Variants in VSNL1 observed in about 807,000 individuals in gnomAD.
VSNL1 encodes visinin-like protein 1.
VSNL1 carries 6 observed loss-of-function variants against 20.4 expected under a neutral mutation model. The ratio of observed to expected loss-of-function variants is 0.29; its 90% CI spans 0.16 to 0.58. The LOEUF (loss-of-function observed/expected upper bound fraction) is 0.58. Among genes scored for constraint, VSNL1 ranks in the 20% least tolerant of loss-of-function variants. VSNL1 has a pLI of 0.90. For synonymous variants in VSNL1, 93 were observed against 86.4 expected (o/e 1.08, Z -0.42); for missense variants, 100 against 234.5 (o/e 0.43, Z 3.75).
rs2103430777 is a variant in VSNL1 at position 17,649,961 on chromosome 2, CG to C, written c.378+337del. Among the ~76,000 whole-genome samples, 1 of 152,206 alleles carries C rather than the reference CG, an allele frequency of 6.6e-6. No individual in the cohort carries two copies. Among genetic ancestry groups the C allele is most frequent in the East Asian group, 1.9e-4 (1 of 5,190 alleles). On this transcript the variant is annotated intron_variant, in intron 3 of 3. Coordinates refer to ENST00000295156, the MANE Select transcript of VSNL1 (RefSeq NM_003385.5). The surrounding 1 kb of genome is among the most constrained non-coding windows in gnomAD (Gnocchi z 6.4). ...TCTCTGCTCTGCCTCACTCCAGCTG[CG>C]CCTAGTGGGGACCCGAGGCTGTCAG...
At chr2:17,559,415 A>AG (rs1426822762) in intron 1 of VSNL1, among the ~76,000 whole-genome samples, 1 of 151,194 alleles carries the variant, frequency 6.6e-6, no homozygotes, top group Non-Finnish European at 1.5e-5. Flanking sequence ...CAGCAAAAAA[A>AG]AAAACAACAA....
In VSNL1 at chr2:17,550,067, C is replaced by T. The variant is rs138420124; in HGVS notation, c.-6+9149C>T. The stretch of plus-strand genomic sequence containing the variant: ...TGATATTACCTACCCTTTGTAGTTA[C>T]GAGATATTGTGAGCATACTTCACAG... On this transcript the variant is annotated intron_variant, in intron 1 of 3. Coordinates refer to ENST00000295156, the MANE Select transcript of VSNL1 (RefSeq NM_003385.5). Among the ~76,000 whole-genome samples the T allele has an allele frequency of 4.5e-4, 69 of 152,118 alleles. 1 individual carries two copies. In the East Asian group the frequency reaches 7.9e-3, roughly 17 times the overall value.
chr2:17,573,920 C>T (rs1474074073), intron 1 of VSNL1, among the ~76,000 whole-genome samples: 1 of 152,192 alleles, frequency 6.6e-6, no homozygotes, highest in Non-Finnish European at 1.5e-5. Flanking sequence ...TTTTGGTTCC[C>T]TCTCAGTTCA....
intron 2 of VSNL1, among the ~76,000 whole-genome samples, chr2:17,647,450 A>G (rs1359142867): frequency 1.3e-5 from 2 of 152,206 alleles, no homozygotes; most frequent in Non-Finnish European, 2.9e-5. Context: ...GCAGATGAAC[A>G]CATCAGCCAA....
chr2:17,655,522 T>C lies in VSNL1; in HGVS notation c.*128T>C. ...ACACAAATATTGCTTGGACTACCTA[T>C]AAATGGACTTGCTTCTTGTGTTTGA... On this transcript the variant is annotated 3_prime_UTR_variant, in exon 4 of 4. Coordinates refer to ENST00000295156, the MANE Select transcript of VSNL1 (RefSeq NM_003385.5). The surrounding 1 kb of genome is among the most constrained non-coding windows in gnomAD (Gnocchi z 5.2). The C allele has an allele frequency of 1.2e-6, 1 of 866,266 alleles. No individual in the cohort carries two copies. The highest frequency in any genetic ancestry group is 1.7e-6 in the Non-Finnish European group (1 of 572,652). The allele number at this position is 866,266 out of a possible 1,614,324, so 53.7% of individuals were successfully genotyped here.
intron 1 of VSNL1, among the ~76,000 whole-genome samples, chr2:17,581,606 C>G (rs1015194650): frequency 6.6e-6 from 1 of 152,114 alleles, no homozygotes; most frequent in African/African-American, 2.4e-5. Flanking sequence ...GAGATAATTT[C>G]GAGAGACCAC....
chr2:17,570,637 T>G (rs926736570), intron 1 of VSNL1, among the ~76,000 whole-genome samples: 2 of 152,226 alleles, frequency 1.3e-5, no homozygotes. Context: ...GCCACTGCAT[T>G]AGGTTTATTA....
chr2:17,577,141 CA>C (rs1664233073), intron 1 of VSNL1, among the ~76,000 whole-genome samples: 1 of 152,108 alleles, frequency 6.6e-6, no homozygotes, highest in East Asian at 1.9e-4. Flanking sequence ...GGAAAATGTA[CA>C]GTAAAAATAT....
At chr2:17,568,243 A>G (rs1217751034) in intron 1 of VSNL1, among the ~76,000 whole-genome samples, 2 of 152,040 alleles carry the variant, frequency 1.3e-5, no homozygotes, top group African/African-American at 4.8e-5. Flanking sequence ...CCTTTTTAAT[A>G]TGTATACTTA....
chr2:17,570,958 G>A (rs997735336), intron 1 of VSNL1, among the ~76,000 whole-genome samples: 7 of 151,970 alleles, frequency 4.6e-5, no homozygotes, highest in African/African-American at 1.2e-4. Context: ...CCCAGGAGGC[G>A]AAGATTGCAG....
chr2:17,610,498 C>T (rs1665058582), intron 2 of VSNL1, among the ~76,000 whole-genome samples: 1 of 152,166 alleles, frequency 6.6e-6, no homozygotes, highest in South Asian at 2.1e-4. Context: ...CTCCCAGCAG[C>T]AGGAAGCACT....
At chr2:17,589,109 G>C (rs1157411160) in intron 1 of VSNL1, among the ~76,000 whole-genome samples, 1 of 152,146 alleles carries the variant, frequency 6.6e-6, no homozygotes, top group Non-Finnish European at 1.5e-5. Context: ...GGAGGAGGTG[G>C]TGTGTAAATT....
intron 2 of VSNL1, among the ~76,000 whole-genome samples, chr2:17,598,642 T>A (rs1167792501): frequency 6.6e-6 from 1 of 152,210 alleles, no homozygotes; most frequent in Non-Finnish European, 1.5e-5. Flanking sequence ...CACACTGAAG[T>A]CGCAAGTAAA....
At chr2:17,642,006 T>C (rs893975498) in intron 2 of VSNL1, among the ~76,000 whole-genome samples, 1 of 152,172 alleles carries the variant, frequency 6.6e-6, no homozygotes, top group Non-Finnish European at 1.5e-5. Flanking sequence ...CTAAATAAAA[T>C]ATTATAGCTA....
chr2:17,562,026 T>C (rs1208779833), intron 1 of VSNL1, among the ~76,000 whole-genome samples: 1 of 152,198 alleles, frequency 6.6e-6, no homozygotes, highest in Non-Finnish European at 1.5e-5. Context: ...GACTACTGAA[T>C]TACCATTCAA....
intron 2 of VSNL1, among the ~76,000 whole-genome samples, chr2:17,630,674 A>G (rs1665609096): frequency 6.6e-6 from 1 of 152,264 alleles, no homozygotes; most frequent in Non-Finnish European, 1.5e-5. Flanking sequence ...TTAAGATACT[A>G]TGCCGTTAAC....
At chr2:17,592,633 T>G (rs1664616595) in intron 2 of VSNL1, among the ~76,000 whole-genome samples, 1 of 107,932 alleles carries the variant, frequency 9.3e-6, no homozygotes, top group Non-Finnish European at 1.9e-5. Flanking sequence ...TTTTTCTCTC[T>G]CTCTCTCTTT....
Position 17,655,669 on chromosome 2 carries a change from CA to C in VSNL1, c.*278del. ...CATTTCATAAAAATCCCTCTTCCTC[CA>C]AAGCCTGGGCAGAAATGTGCTGCAA... On this transcript the variant is annotated 3_prime_UTR_variant, in exon 4 of 4. Coordinates refer to ENST00000295156, the MANE Select transcript of VSNL1 (RefSeq NM_003385.5). The surrounding 1 kb of genome is among the most constrained non-coding windows in gnomAD (Gnocchi z 5.2). 2.9e-6 allele frequency: 1 copy of C among 340,098 alleles called. No homozygotes were observed. The highest frequency in any genetic ancestry group is 5.5e-6 in the Non-Finnish European group (1 of 181,956). The allele number at this position is 340,098 out of a possible 1,614,324, so 21.1% of individuals were successfully genotyped here.
chr2:17,649,732 C>A lies in VSNL1; in HGVS notation c.378+107C>A. 3 of 1,037,730 alleles carry A rather than the reference C, an allele frequency of 2.9e-6. No individual in the cohort carries two copies. Among genetic ancestry groups the A allele is most frequent in the Non-Finnish European group, 4.3e-6 (3 of 698,268 alleles). The allele number at this position is 1,037,730 out of a possible 1,614,324, so 64.3% of individuals were successfully genotyped here. ...TTCTTCTCTCTCTGCTCGAGCCCTG[C>A]CAGCTGCACACCACGCCTGGACTTC... On this transcript the variant is annotated intron_variant, in intron 3 of 3. Coordinates refer to ENST00000295156, the MANE Select transcript of VSNL1 (RefSeq NM_003385.5). The surrounding 1 kb of genome is among the most constrained non-coding windows in gnomAD (Gnocchi z 6.4).
Sources: gnomAD v4.1 joint callset for allele counts (sites outside exome capture counted in the v4.1 genomes callset) on GRCh38, gnomAD v4.1.1 for gene constraint, Gnocchi (gnomAD v3.1) non-coding constraint, MANE v1.5 for transcripts, NCBI Gene and HGNC (gene_info 2026-07-23, HGNC 2026-07-21) for gene names.